Variants in NIPSNAP1 observed in about 807,000 individuals in gnomAD.
NIPSNAP1 encodes protein NipSnap homolog 1.
Under a neutral mutation model 49.2 loss-of-function variants are expected in NIPSNAP1, and 25 were observed. That is an observed-to-expected ratio of 0.51 (90% CI 0.37 to 0.71). NIPSNAP1 has a LOEUF of 0.71. NIPSNAP1 is among the 30% of genes least tolerant of loss of function. NIPSNAP1 has a pLI of 0.00. For missense variants in NIPSNAP1, 294 were observed against 361.0 expected (o/e 0.81, Z 1.50); for synonymous variants, 143 against 140.7 (o/e 1.02, Z -0.12).
At chr22:29,570,763 G>A (rs577240908) in intron 1 of NIPSNAP1, among the ~76,000 whole-genome samples, 1 of 152,094 alleles carries the variant, frequency 6.6e-6, no homozygotes, top group African/African-American at 2.4e-5. Flanking sequence ...CAGGACGCCA[G>A]GAGAGGCAGC....
In NIPSNAP1 at chr22:29,558,951, AG is replaced by A. The variant is rs750873005; in HGVS notation, c.708del (p.Tyr237IlefsTer39). ...GELYVVHHLW[A>X]YKDLQSREET... ...TCCTCCCGAGACTGCAGGTCTTTAT[AG>A]GCTGTGAGAAAGGCACAGGCTCATT... On this transcript the variant is annotated frameshift_variant and splice_region_variant, in exon 9 of 10. Transcript: ENST00000216121. LOFTEE classifies it high-confidence loss of function. 1.2e-6 allele frequency: 2 copies of A among 1,612,374 alleles called. No homozygotes were observed. The highest frequency in any genetic ancestry group is 1.7e-6 in the Non-Finnish European group (2 of 1,178,912).
Position 29,555,948 on chromosome 22 carries a change from G to A in NIPSNAP1, c.842C>T (p.Ser281Leu), listed in dbSNP as rs1281190180. The change falls in exon 10 of 10, where the codon TCG becomes TTG. Residue 281 changes from serine (S) to leucine (L), a missense_variant. By Grantham distance (145) the Ser-to-Leu change is moderately radical. Transcript: ENST00000216121. The stretch of plus-strand genomic sequence containing the variant: ...GTGTAGGCAGCATCACTGCAGAGGC[G>A]AGATCTTCAAGGGGATCATGATCCT... ...ESRIMIPLKI[S>L]PLQ The A allele has an allele frequency of 3.2e-6, 5 of 1,551,812 alleles. No homozygotes were observed. The highest frequency in any genetic ancestry group is 4.4e-6 in the Non-Finnish European group (5 of 1,146,994).
At chr22:29,574,655 T>A (rs995230548) in intron 1 of NIPSNAP1, among the ~76,000 whole-genome samples, 2 of 152,024 alleles carry the variant, frequency 1.3e-5, no homozygotes, top group African/African-American at 4.8e-5. Flanking sequence ...GGTGCAATCC[T>A]GTAATCCCAG....
chr22:29,580,478 G>A (rs546509730), intron 1 of NIPSNAP1, among the ~76,000 whole-genome samples: 33 of 152,332 alleles, frequency 2.2e-4, no homozygotes, highest in Admixed American at 7.9e-4. Flanking sequence ...CAGGGAGGGT[G>A]ACCTTGGACA....
intron 6 of NIPSNAP1, 112 bp downstream of exon 6, chr22:29,561,394 G>C: frequency 2.0e-6 from 3 of 1,517,202 alleles, no homozygotes; most frequent in Middle Eastern, 1.8e-4. Context: ...TCTGCTCTGA[G>C]CCCATAGGGA....
In NIPSNAP1 at chr22:29,558,884, T is replaced by C. The variant is rs1430606435; in HGVS notation, c.776A>G (p.Asn259Ser). 3 of 1,613,704 alleles carry C rather than the reference T, an allele frequency of 1.9e-6. No homozygotes were observed. Among genetic ancestry groups the C allele is most frequent in the African/African-American group, 1.3e-5 (1 of 75,036 alleles). Residue 259 changes from asparagine (N) to serine (S), a missense_variant, in exon 9 of 10, where the codon AAT becomes AGT. Physicochemically the swap from Asn to Ser is conservative, Grantham distance 46 (BLOSUM62 1). Coordinates refer to ENST00000216121, the MANE Select transcript of NIPSNAP1 (RefSeq NM_003634.4). ...GCTTCACTCACCTGTATAGTAGACA[T>C]TTTCATCCCAGCCTCTCTTCCTCCA... ...AAWRKRGWDE[N>S]VYYTVPLVRH...
intron 1 of NIPSNAP1, among the ~76,000 whole-genome samples, chr22:29,578,180 G>A (rs1306868104): frequency 6.6e-6 from 1 of 151,060 alleles, no homozygotes; most frequent in African/African-American, 2.5e-5. Context: ...ACAGGTGGGA[G>A]TCACCAGGCC....
chr22:29,564,570 C>G (rs771829135), intron 4 of NIPSNAP1, among the ~76,000 whole-genome samples: 2 of 152,102 alleles, frequency 1.3e-5, no homozygotes, highest in Non-Finnish European at 2.9e-5. Context: ...CATGCCACCA[C>G]GCCCAGCTAA....
chr22:29,574,779 C>CAAA lies in NIPSNAP1; in HGVS notation c.99-4250_99-4248dup, dbSNP rs56971788. Among the ~76,000 whole-genome samples the CAAA allele has an allele frequency of 5.5e-3, 565 of 102,646 alleles. 7 individuals are homozygous for CAAA. The highest frequency in any genetic ancestry group is 8.0e-3 in the Non-Finnish European group (411 of 51,546). The allele number at this position is 102,646 out of a possible 152,430, so 67.3% of individuals were successfully genotyped here. On this transcript the variant is annotated intron_variant, in intron 1 of 9. Coordinates refer to ENST00000216121, the MANE Select transcript of NIPSNAP1 (RefSeq NM_003634.4). ...GGGCTACAAGAGCGAAACTCTGTCT[C>CAAA]AAAAAAAAAAAAAAAAAAAGACAAT... is the stretch of plus-strand genomic sequence containing the variant.
intron 3 of NIPSNAP1, chr22:29,569,840 T>A: frequency 2.5e-6 from 1 of 395,018 alleles, no homozygotes; most frequent in Non-Finnish European, 4.8e-6. Context: ...TACAAAAAAA[T>A]TAGCCATGCT....
At chr22:29,561,374 T>G in intron 6 of NIPSNAP1, 132 bp downstream of exon 6, 1 of 1,451,236 alleles carries the variant, frequency 6.9e-7, no homozygotes, top group Non-Finnish European at 9.6e-7. Flanking sequence ...TGCACACATG[T>G]GTATACAACT....
chr22:29,561,492 T>C lies in NIPSNAP1; in HGVS notation c.579+14A>G. ...AAATTGGGGGGCAGGAGGGGGTCTG[T>C]CGGAGGGAGGCACCTTGAGCTTGTA... On this transcript the variant is annotated intron_variant, in intron 6 of 9. Transcript: ENST00000216121. 6.2e-7 allele frequency: 1 copy of C among 1,613,792 alleles called. No homozygotes were observed. Among genetic ancestry groups the C allele is most frequent in the African/African-American group, 1.3e-5 (1 of 74,976 alleles).
In NIPSNAP1 at chr22:29,555,248, A is replaced by G. The variant is rs1332499917; in HGVS notation, c.*687T>C. 6.5e-6 allele frequency: 1 copy of G among 152,782 alleles called. No individual in the cohort carries two copies. 9.5% of individuals were successfully genotyped at this position (152,782 alleles called of 1,614,324 possible). A position where few individuals can be genotyped will look rare whatever the true frequency, so the allele number is the denominator to read the frequency against. ...CCCAATTCTGTATTCCAGATTCCAA[A>G]TTCTACAATTGAAACCCAAGTTCTG... On this transcript the variant is annotated 3_prime_UTR_variant, in exon 10 of 10. Transcript: ENST00000216121.
In NIPSNAP1 at chr22:29,555,905, A is replaced by G; in HGVS notation, c.*30T>C. The stretch of plus-strand genomic sequence containing the variant: ...TGTCTGTCGGGGTTGCCTGAGGGAG[A>G]AGGGGAAGGAGGTGGAGGTGTAGGC... On this transcript the variant is annotated 3_prime_UTR_variant, in exon 10 of 10. Transcript: ENST00000216121. 1 of 1,548,402 alleles carries G rather than the reference A, an allele frequency of 6.5e-7. No individual in the cohort carries two copies.
intron 9 of NIPSNAP1, among the ~76,000 whole-genome samples, chr22:29,557,047 C>T (rs1285295190): frequency 6.6e-6 from 1 of 152,148 alleles, no homozygotes; most frequent in African/African-American, 2.4e-5. Flanking sequence ...CTGCGCCCAG[C>T]CGAGATTTGT....
chr22:29,569,776 G>A (rs1023744647), intron 3 of NIPSNAP1: 19 of 354,174 alleles, frequency 5.4e-5, no homozygotes, highest in African/African-American at 4.0e-4. Context: ...ATCACCTGAG[G>A]TCAGGAGTTT....
chr22:29,563,497 A>T (rs2064350292), intron 4 of NIPSNAP1, among the ~76,000 whole-genome samples: 1 of 152,154 alleles, frequency 6.6e-6, no homozygotes, highest in Non-Finnish European at 1.5e-5. Context: ...ACTGCACTCC[A>T]GCCTGGGCAA....
intron 4 of NIPSNAP1, among the ~76,000 whole-genome samples, chr22:29,568,909 A>G (rs1434921125): frequency 1.3e-5 from 2 of 152,250 alleles, no homozygotes; most frequent in African/African-American, 4.8e-5. Context: ...GAAACTGTCA[A>G]TCTGAGGAAC....
At chr22:29,572,086 T>C (rs2064412243) in intron 1 of NIPSNAP1, among the ~76,000 whole-genome samples, 1 of 152,250 alleles carries the variant, frequency 6.6e-6, no homozygotes, top group East Asian at 1.9e-4. Context: ...GCAGATCACC[T>C]GAGGTCAGGA....
Sources: gnomAD v4.1 joint callset for allele counts (sites outside exome capture counted in the v4.1 genomes callset) on GRCh38, gnomAD v4.1.1 for gene constraint, MANE v1.5 for transcripts, NCBI Gene and HGNC (gene_info 2026-07-23, HGNC 2026-07-21) for gene names.